MCC: variants seen among roughly 807,000 people sequenced by gnomAD.
The protein encoded by MCC is colorectal mutant cancer protein.
MCC carries 90 observed loss-of-function variants against 116.2 expected under a neutral mutation model. The ratio of observed to expected loss-of-function variants is 0.77; its 90% CI spans 0.65 to 0.92. The LOEUF is 0.92. MCC is among the 40% of genes least tolerant of loss of function. MCC has a pLI of 0.00. For missense variants in MCC, 1,516 were observed against 1,312.2 expected (o/e 1.16, Z -2.40); for synonymous variants, 578 against 510.5 (o/e 1.13, Z -1.78).
At position 113,260,938 on chromosome 5, in the gene MCC, T is replaced by C. The variant is rs189129777; in HGVS notation, c.627+79581A>G. Among the ~76,000 whole-genome samples the C allele has an allele frequency of 7.4e-4, 113 of 152,226 alleles. 2 individuals are homozygous for C. Among genetic ancestry groups the C allele is most frequent in the African/African-American group, 2.5e-3 (104 of 41,542 alleles). ...CCATCAGGTGTTTTTCTTGAAGTAA[T>C]AGCCTCATTTCTGGGAAAATATCAA... On this transcript the variant is annotated intron_variant, in intron 3 of 18. Transcript: ENST00000408903.
intron 3 of MCC, among the ~76,000 whole-genome samples, chr5:113,209,765 T>A (rs1056439376): frequency 2.0e-5 from 3 of 152,156 alleles, no homozygotes; most frequent in Non-Finnish European, 4.4e-5. Flanking sequence ...ATCGTGTACT[T>A]CCTGGGATGT....
At chr5:113,243,077 A>G (rs1764438268) in intron 3 of MCC, among the ~76,000 whole-genome samples, 1 of 152,230 alleles carries the variant, frequency 6.6e-6, no homozygotes, top group South Asian at 2.1e-4. Context: ...TGAAATGAAC[A>G]ACTATGCTTT....
chr5:113,388,099 C>A (rs534878609), intron 1 of MCC, among the ~76,000 whole-genome samples: 10 of 152,286 alleles, frequency 6.6e-5, no homozygotes, highest in South Asian at 4.1e-4. Context: ...CTACAAGAAA[C>A]AGCTGCAAAG....
At chr5:113,422,200 C>T (rs1374097321) in intron 1 of MCC, among the ~76,000 whole-genome samples, 1 of 152,126 alleles carries the variant, frequency 6.6e-6, no homozygotes, top group African/African-American at 2.4e-5. Context: ...TTGAAGCTAT[C>T]ATTGTCACAT....
intron 1 of MCC, among the ~76,000 whole-genome samples, chr5:113,430,673 C>A (rs1202043714): frequency 6.6e-6 from 1 of 152,088 alleles, no homozygotes; most frequent in Non-Finnish European, 1.5e-5. Context: ...GAGGTCTTGC[C>A]AACTTTGTTT....
At chr5:113,466,754 G>C (rs1206273705) in intron 1 of MCC, among the ~76,000 whole-genome samples, 2 of 151,800 alleles carry the variant, frequency 1.3e-5, no homozygotes, top group Admixed American at 6.6e-5. Context: ...CTGAGGAATC[G>C]CCACACTGAC....
At chr5:113,319,626 G>T (rs944123764) in intron 3 of MCC, among the ~76,000 whole-genome samples, 1 of 152,274 alleles carries the variant, frequency 6.6e-6, no homozygotes, top group East Asian at 1.9e-4. Flanking sequence ...GAAACTAGAT[G>T]CCTGTTTCCA....
chr5:113,087,835 A>G (rs951116543), intron 8 of MCC, among the ~76,000 whole-genome samples: 1 of 151,764 alleles, frequency 6.6e-6, no homozygotes, highest in Non-Finnish European at 1.5e-5. Flanking sequence ...TGGGCAATTT[A>G]TAAAGACTTC....
At chr5:113,091,963 G>T (rs1755677282) in intron 8 of MCC, among the ~76,000 whole-genome samples, 1 of 152,062 alleles carries the variant, frequency 6.6e-6, no homozygotes, top group Non-Finnish European at 1.5e-5. Flanking sequence ...CAGGTTCTGT[G>T]GGTCTGTGGG....
chr5:113,197,754 GAAGAA>G (rs1762483612), intron 3 of MCC, among the ~76,000 whole-genome samples: 1 of 152,228 alleles, frequency 6.6e-6, no homozygotes, highest in African/African-American at 2.4e-5. Context: ...TTATAGTTGA[GAAGAA>G]AAGGAGGCAG....
At chr5:113,097,352 A>G (rs1756088511) in intron 8 of MCC, among the ~76,000 whole-genome samples, 1 of 152,226 alleles carries the variant, frequency 6.6e-6, no homozygotes, top group Admixed American at 6.5e-5. Context: ...AAATTATACA[A>G]TGATATGAAT....
chr5:113,223,012 G>A (rs537253221), intron 3 of MCC, among the ~76,000 whole-genome samples: 58 of 152,208 alleles, frequency 3.8e-4, no homozygotes, highest in Non-Finnish European at 6.9e-4. Flanking sequence ...TTCTGCAGGT[G>A]AGCTTTGCCA....
Position 113,122,747 on chromosome 5 carries a change from C to A in MCC, c.964G>T (p.Asp322Tyr), listed in dbSNP as rs557562317. 6 of 1,614,060 alleles carry A rather than the reference C, an allele frequency of 3.7e-6. No individual in the cohort carries two copies. The East Asian group carries it at 1.3e-4, about 36-fold the overall frequency. The change falls in exon 6 of 19, where the codon GAC (aspartate) becomes TAC (tyrosine). Residue 322 changes from aspartate to tyrosine, a missense_variant. Physicochemically the swap from Asp to Tyr is radical, Grantham distance 160 (BLOSUM62 -3). Coordinates refer to ENST00000408903, the MANE Select transcript of MCC (RefSeq NM_001085377.2). ...HEVNEDSRSM[D>Y]QDQTSVSIPE... ...ATAGAGACAGAGGTCTGGTCTTGGT[C>A]CATGCTTCGAGAGTCCTCGTTGACC...
rs1011804855 is a variant in MCC at position 113,434,009 on chromosome 5, C to T, written c.171-48797G>A. 1 of 1,614,010 alleles carries T rather than the reference C, an allele frequency of 6.2e-7. No individual in the cohort carries two copies. Among genetic ancestry groups the T allele is most frequent in the Admixed American group, 1.7e-5 (1 of 60,026 alleles). ...TGTTGATGGCCACAGAGGGAGATCC[C>T]CGTGCCTTGGGCTGCATCCAGCAGT... On this transcript the variant is annotated intron_variant, in intron 1 of 18. Transcript: ENST00000408903. This position sits in a 1 kb window ranked among gnomAD's most constrained non-coding sequence, Gnocchi z 4.2.
intron 1 of MCC, among the ~76,000 whole-genome samples, chr5:113,391,008 G>A (rs1331888618): frequency 6.6e-6 from 1 of 152,144 alleles, no homozygotes; most frequent in Non-Finnish European, 1.5e-5. Flanking sequence ...AAAAGTAACA[G>A]GTTTCCGGGC....
chr5:113,310,710 C>A (rs1767116692), intron 3 of MCC, among the ~76,000 whole-genome samples: 1 of 152,108 alleles, frequency 6.6e-6, no homozygotes, highest in Non-Finnish European at 1.5e-5. Context: ...TAAAAGCTAA[C>A]CCTGAAATGC....
Position 113,417,654 on chromosome 5 carries a change from C to A in MCC, c.171-32442G>T, listed in dbSNP as rs565898125. Among the ~76,000 whole-genome samples, 20 of 152,266 alleles carry A rather than the reference C, an allele frequency of 1.3e-4. No homozygotes were observed. In the South Asian group the frequency reaches 4.1e-3, roughly 32 times the overall value. ...TAAGGGACAACATTAAAATATCATA[C>A]AAGGCCAGGCACGCCTGTAATTCTA... is the stretch of plus-strand genomic sequence containing the variant. On this transcript the variant is annotated intron_variant, in intron 1 of 18. Coordinates refer to ENST00000408903, the MANE Select transcript of MCC (RefSeq NM_001085377.2).
At chr5:113,060,832 G>C (rs1201613705) in intron 14 of MCC, among the ~76,000 whole-genome samples, 1 of 152,172 alleles carries the variant, frequency 6.6e-6, no homozygotes, top group Non-Finnish European at 1.5e-5. Flanking sequence ...ACACCAGTAA[G>C]CGTTTGTCTC....
chr5:113,073,679 T>C (rs1330338718), intron 11 of MCC, among the ~76,000 whole-genome samples: 15 of 147,328 alleles, frequency 1.0e-4, no homozygotes, highest in African/African-American at 3.8e-4. Context: ...TTCTTTTAAA[T>C]CCATCTCAAT....
Sources: allele counts gnomAD v4.1 joint callset (sites outside exome capture counted in the v4.1 genomes callset), GRCh38; gene constraint gnomAD v4.1.1; non-coding constraint Gnocchi (gnomAD v3.1); transcripts MANE v1.5; gene names NCBI Gene and HGNC (gene_info 2026-07-23, HGNC 2026-07-21).